The following TENM3 variants were observed in gnomAD, a reference collection of about 807,000 sequenced individuals.
TENM3 encodes teneurin transmembrane protein 3, also known as teneurin-3.
In TENM3, 63 loss-of-function variants were observed where a neutral mutation model predicts 255.1. The observed-to-expected ratio is 0.25, with a 90% CI of 0.20 to 0.30. The LOEUF (loss-of-function observed/expected upper bound fraction) is 0.30. Ranked by LOEUF, TENM3 falls within the 10% of genes least tolerant of loss-of-function variation. The probability of loss-of-function intolerance (pLI) is 1.00; values close to 1 mark genes in which losing one functional copy is unlikely to be tolerated. For missense variants in TENM3, 2,929 were observed against 3,461.1 expected, an observed-to-expected ratio of 0.85 and a Z score of 3.86; for synonymous variants, 1,306 against 1,322.3, an observed-to-expected ratio of 0.99 and a Z score of 0.27.
the TENM3 span, among the ~76,000 whole-genome samples, chr4:181,633,432 T>C: frequency 6.6e-6 from 1 of 152,180 alleles, no homozygotes; most frequent in African/African-American, 2.4e-5. Context: ...ATTTTTTCTT[T>C]ATTTGTAGTC....
the TENM3 span, among the ~76,000 whole-genome samples, chr4:181,946,408 C>T: frequency 6.6e-6 from 1 of 152,186 alleles, no homozygotes; most frequent in Non-Finnish European, 1.5e-5. Context: ...TCAGAATCCA[C>T]TCATCTTTCA....
intron 1 of TENM3, among the ~76,000 whole-genome samples, chr4:182,323,530 G>A (rs982154612): frequency 6.6e-6 from 1 of 151,834 alleles, no homozygotes; most frequent in African/African-American, 2.4e-5. Context: ...AATAGTGTAC[G>A]TTTATAAGAA....
At chr4:182,187,673 G>A (rs931117291) in intron 1 of TENM3, among the ~76,000 whole-genome samples, 1 of 151,990 alleles carries the variant, frequency 6.6e-6, no homozygotes, top group Admixed American at 6.6e-5. Flanking sequence ...AGGAAAAAAT[G>A]AGGAAGAAAA....
chr4:182,303,147 T>C (rs995332741), intron 1 of TENM3, among the ~76,000 whole-genome samples: 2 of 152,218 alleles, frequency 1.3e-5, no homozygotes, highest in African/African-American at 4.8e-5. Flanking sequence ...TCTCATAAAG[T>C]ATGTCATAAA....
the TENM3 span, among the ~76,000 whole-genome samples, chr4:181,467,609 G>GA: frequency 8.2e-3 from 1,239 of 151,990 alleles, 13 homozygotes; most frequent in African/African-American, 0.027. Flanking sequence ...TATATTTCTA[G>GA]AAAAAAAGAT....
At chr4:182,504,622 G>A (rs1401023661) in intron 3 of TENM3, among the ~76,000 whole-genome samples, 1 of 152,192 alleles carries the variant, frequency 6.6e-6, no homozygotes, top group Non-Finnish European at 1.5e-5. Flanking sequence ...ATTCGCATGC[G>A]AATGAAGAGG....
chr4:182,145,226 A>T (rs1221848193), intron 1 of TENM3: 1 of 152,232 alleles, frequency 6.6e-6, no homozygotes, highest in Non-Finnish European at 1.5e-5. Flanking sequence ...CGGGGCAGGC[A>T]GGGGACAGAA....
chr4:182,381,060 C>A (rs563107468), intron 3 of TENM3, among the ~76,000 whole-genome samples: 1 of 152,278 alleles, frequency 6.6e-6, no homozygotes, highest in African/African-American at 2.4e-5. Context: ...TTGAGTCTCT[C>A]CGTACCCCTG....
intron 1 of TENM3, among the ~76,000 whole-genome samples, chr4:182,278,434 T>G (rs1760153029): frequency 1.3e-5 from 2 of 152,082 alleles, no homozygotes; most frequent in Non-Finnish European, 2.9e-5. Context: ...CAGCTTAACC[T>G]CTTTGAGTTT....
chr4:181,769,868 T>C, the TENM3 span, among the ~76,000 whole-genome samples: 2 of 152,256 alleles, frequency 1.3e-5, no homozygotes, highest in Non-Finnish European at 2.9e-5. Context: ...ATAATTCTTA[T>C]GTTAACCAAT....
chr4:181,811,243 C>T, the TENM3 span, among the ~76,000 whole-genome samples: 1 of 152,162 alleles, frequency 6.6e-6, no homozygotes, highest in Admixed American at 6.5e-5. Flanking sequence ...TACCTCTCTT[C>T]CCAGTTATTC....
chr4:182,667,067 A>G lies in TENM3; in HGVS notation c.1112-5938A>G, dbSNP rs1451700392. On this transcript the variant is annotated intron_variant, in intron 6 of 27. Coordinates refer to ENST00000511685, the MANE Select transcript of TENM3 (RefSeq NM_001080477.4). ...CAAAATGTGCAATAGGTATGCCTGT[A>G]TATGCTTTAAATGTGTCTATTTCAT... Among the ~76,000 whole-genome samples the G allele has an allele frequency of 3.3e-5, 5 of 152,198 alleles. No homozygotes were observed. The East Asian group carries it at 9.6e-4, about 29-fold the overall frequency.
At chr4:182,290,143 G>A (rs1761021170) in intron 1 of TENM3, among the ~76,000 whole-genome samples, 1 of 152,206 alleles carries the variant, frequency 6.6e-6, no homozygotes. Context: ...TAACTGGCGG[G>A]GCAGTGTCTT....
chr4:182,074,210 A>G, the TENM3 span, among the ~76,000 whole-genome samples: 1 of 152,178 alleles, frequency 6.6e-6, no homozygotes, highest in Admixed American at 6.5e-5. Flanking sequence ...GGCTTTATAA[A>G]CAGACGTGTG....
chr4:181,724,881 T>C, the TENM3 span, among the ~76,000 whole-genome samples: 1 of 152,240 alleles, frequency 6.6e-6, no homozygotes, highest in Non-Finnish European at 1.5e-5. Flanking sequence ...ATTATTGTTC[T>C]GTCTGAGGGA....
chr4:182,661,444 A>G (rs1754221533), intron 6 of TENM3, among the ~76,000 whole-genome samples: 1 of 152,154 alleles, frequency 6.6e-6, no homozygotes, highest in African/African-American at 2.4e-5. Context: ...AATTCGAGAA[A>G]TGGAGCTGAC....
At chr4:182,743,600 C>T (rs1013318909) in intron 19 of TENM3, among the ~76,000 whole-genome samples, 181 bp downstream of exon 19, 1 of 152,030 alleles carries the variant, frequency 6.6e-6, no homozygotes, top group African/African-American at 2.4e-5. Context: ...ATAAATTGTC[C>T]CATAAGTGTA....
At chr4:182,288,040 C>T (rs568878602) in intron 1 of TENM3, among the ~76,000 whole-genome samples, 56 of 152,164 alleles carry the variant, frequency 3.7e-4, no homozygotes, top group South Asian at 2.7e-3. Flanking sequence ...CGGGTTCAAG[C>T]GATTCTCCTG....
chr4:182,030,169 C>T, the TENM3 span, among the ~76,000 whole-genome samples: 4 of 151,926 alleles, frequency 2.6e-5, no homozygotes, highest in Non-Finnish European at 5.9e-5. Flanking sequence ...CTGCACCTAT[C>T]AACCCGTTAC....
Sources: allele counts gnomAD v4.1 joint callset (sites outside exome capture counted in the v4.1 genomes callset), GRCh38; gene constraint gnomAD v4.1.1; transcripts MANE v1.5; gene names NCBI Gene and HGNC (gene_info 2026-07-23, HGNC 2026-07-21).